Variants in FOXJ3 observed in about 807,000 individuals in gnomAD.
FOXJ3 encodes the protein forkhead box protein J3.
Under a neutral mutation model 76.1 loss-of-function variants are expected in FOXJ3, and 22 were observed. That is an observed-to-expected ratio of 0.29 (90% CI 0.21 to 0.41). FOXJ3 has a LOEUF of 0.41. Among genes scored for constraint, FOXJ3 ranks in the 10% least tolerant of loss-of-function variants. The pLI, the probability that FOXJ3 is intolerant of heterozygous loss-of-function variation, is 1.00. For synonymous variants in FOXJ3, 269 were observed against 261.2 expected, an observed-to-expected ratio of 1.03 and a Z score of -0.29; for missense variants, 613 against 762.1, an observed-to-expected ratio of 0.80 and a Z score of 2.30.
intron 3 of FOXJ3, among the ~76,000 whole-genome samples, chr1:42,273,604 G>A (rs1300504350): frequency 7.1e-6 from 1 of 141,822 alleles, no homozygotes; most frequent in Non-Finnish European, 1.5e-5. Flanking sequence ...GAACTAGGAA[G>A]GTAGAGCTTG....
At chr1:42,211,833 C>T (rs920387120) in intron 5 of FOXJ3, among the ~76,000 whole-genome samples, 1 of 152,076 alleles carries the variant, frequency 6.6e-6, no homozygotes, top group African/African-American at 2.4e-5. Context: ...GGGAAAGCAC[C>T]CAGAACCAAA....
Position 42,195,027 on chromosome 1 carries a change from G to T in FOXJ3, c.797C>A (p.Thr266Asn), listed in dbSNP as rs779771281. 6.8e-6 allele frequency: 11 copies of T among 1,610,260 alleles called. No individual in the cohort carries two copies. In the East Asian group the frequency reaches 2.5e-4, roughly 36 times the overall value. Residue 266 changes from threonine to asparagine, a missense_variant, in exon 8 of 13, where the codon ACT (threonine) becomes AAT (asparagine). By Grantham distance (65) the Thr-to-Asn change is moderately conservative (BLOSUM62 0). Coordinates refer to ENST00000361346, the MANE Select transcript of FOXJ3 (RefSeq NM_014947.5). The part of the protein sequence containing the change: ...SHPESVSQSL[T>N]PQQQPQYNLP... ...GTTGTACTGTGGTTGCTGCTGAGGA[G>T]TTAATGATTGAGAGACTGATTCTGG...
At chr1:42,251,866 G>A (rs997053612) in intron 4 of FOXJ3, among the ~76,000 whole-genome samples, 35 of 151,714 alleles carry the variant, frequency 2.3e-4, no homozygotes, top group South Asian at 8.4e-4. Flanking sequence ...CTACAGGCGC[G>A]CGCCACCATG....
chr1:42,204,191 C>T (rs1557634842), intron 6 of FOXJ3, among the ~76,000 whole-genome samples: 1 of 152,104 alleles, frequency 6.6e-6, no homozygotes, highest in East Asian at 1.9e-4. Context: ...ATATACAAAG[C>T]TTATCTCAAT....
chr1:42,197,457 A>T (rs1023096320), intron 7 of FOXJ3, among the ~76,000 whole-genome samples: 4 of 152,148 alleles, frequency 2.6e-5, no homozygotes, highest in African/African-American at 9.7e-5. Context: ...AATTTGCCAT[A>T]ATGTATCTAG....
chr1:42,193,659 T>A (rs1646593905), intron 8 of FOXJ3, among the ~76,000 whole-genome samples: 1 of 152,112 alleles, frequency 6.6e-6, no homozygotes, highest in Non-Finnish European at 1.5e-5. Flanking sequence ...TCAATATAAA[T>A]AACAGTATAT....
intron 5 of FOXJ3, chr1:42,206,066 T>C: frequency 2.0e-6 from 1 of 506,028 alleles, no homozygotes; most frequent in Admixed American, 3.7e-5. Flanking sequence ...GTATGGCTAC[T>C]CTCTAACAAC....
At chr1:42,189,048 G>C in intron 10 of FOXJ3, 120 bp from the exon 11 acceptor site, 1 of 648,436 alleles carries the variant, frequency 1.5e-6, no homozygotes, top group Non-Finnish European at 2.6e-6. Flanking sequence ...TTATGGTAGT[G>C]ATTTATCCAC....
chr1:42,226,970 C>G (rs911223858), intron 5 of FOXJ3, among the ~76,000 whole-genome samples: 10 of 152,214 alleles, frequency 6.6e-5, no homozygotes, highest in African/African-American at 2.4e-4. Flanking sequence ...TGCCCTGATT[C>G]ATGCTGCAAA....
chr1:42,326,493 G>A (rs917021604), intron 1 of FOXJ3, among the ~76,000 whole-genome samples: 1 of 152,066 alleles, frequency 6.6e-6, no homozygotes, highest in Non-Finnish European at 1.5e-5. Context: ...CCAGGCAACA[G>A]ACAACACATC....
intron 8 of FOXJ3, among the ~76,000 whole-genome samples, chr1:42,192,393 C>T (rs1486533023): frequency 6.6e-6 from 1 of 152,082 alleles, no homozygotes; most frequent in Non-Finnish European, 1.5e-5. Flanking sequence ...AACAGCTACA[C>T]AGGATAGGGC....
At chr1:42,189,125 C>T in intron 10 of FOXJ3, 178 bp downstream of exon 10, 1 of 613,976 alleles carries the variant, frequency 1.6e-6, no homozygotes, top group East Asian at 2.9e-5. Context: ...AAATTTCTTT[C>T]AGAACTTGTC....
At chr1:42,218,856 A>T (rs1018840398) in intron 5 of FOXJ3, among the ~76,000 whole-genome samples, 1 of 152,222 alleles carries the variant, frequency 6.6e-6, no homozygotes, top group Non-Finnish European at 1.5e-5. Context: ...AACACTGTCC[A>T]GCCACAGTAG....
chr1:42,185,084 TG>T lies in FOXJ3; in HGVS notation c.1646-3061del, dbSNP rs377423250. On this transcript the variant is annotated intron_variant, in intron 11 of 12. Coordinates refer to ENST00000361346, the MANE Select transcript of FOXJ3 (RefSeq NM_014947.5). ...TTTTGAGCAGAAAACAGACGTGACA[TG>T]ATCTGACCTCTCTGTCTTGCAAAAT... is the stretch of plus-strand genomic sequence containing the variant. 2.0e-3 allele frequency among the ~76,000 whole-genome samples: 304 copies of T among 152,132 alleles called. 1 individual carries two copies. The highest frequency in any genetic ancestry group is 7.1e-3 in the African/African-American group (296 of 41,434).
intron 3 of FOXJ3, among the ~76,000 whole-genome samples, chr1:42,270,062 C>G (rs1651758712): frequency 6.6e-6 from 1 of 152,206 alleles, no homozygotes; most frequent in African/African-American, 2.4e-5. Context: ...TGATCTGACC[C>G]TATCTTGCTT....
rs1389232639 is a variant in FOXJ3 at position 42,217,232 on chromosome 1, A to G, written c.528+10651T>C. ...CTACAAGCAATTGGAAAATGGATTT[A>G]AAAATACTCTGCAATGGGCTGGGTG... On this transcript the variant is annotated intron_variant, in intron 5 of 12. Transcript: ENST00000361346. Among the ~76,000 whole-genome samples the G allele has an allele frequency of 6.6e-5, 10 of 152,232 alleles. 2 individuals are homozygous for G. The highest frequency in any genetic ancestry group is 5.9e-4 in the Admixed American group (9 of 15,288).
chr1:42,215,052 T>G (rs1267498239), intron 5 of FOXJ3, among the ~76,000 whole-genome samples: 1 of 152,092 alleles, frequency 6.6e-6, no homozygotes, highest in Non-Finnish European at 1.5e-5. Flanking sequence ...CCAGAGTCTA[T>G]AAAAACATAA....
At chr1:42,204,187 A>G (rs1285142287) in intron 6 of FOXJ3, among the ~76,000 whole-genome samples, 1 of 151,904 alleles carries the variant, frequency 6.6e-6, no homozygotes, top group Non-Finnish European at 1.5e-5. Flanking sequence ...GAAAATATAC[A>G]AAGCTTATCT....
intron 4 of FOXJ3, among the ~76,000 whole-genome samples, chr1:42,242,906 C>A (rs1463584811): frequency 6.6e-6 from 1 of 152,074 alleles, no homozygotes; most frequent in Non-Finnish European, 1.5e-5. Context: ...TATACTCAAA[C>A]TGGCAAAAGT....
Sources: allele counts gnomAD v4.1 joint callset (sites outside exome capture counted in the v4.1 genomes callset), GRCh38; gene constraint gnomAD v4.1.1; transcripts MANE v1.5; gene names NCBI Gene and HGNC (gene_info 2026-07-23, HGNC 2026-07-21).